Variants in RUSC2 observed in about 807,000 individuals in gnomAD.
RUSC2 encodes the protein AP-4 complex accessory subunit RUSC2.
RUSC2 carries 34 observed loss-of-function variants against 122.2 expected under a neutral mutation model. The ratio of observed to expected loss-of-function variants is 0.28; its 90% CI spans 0.21 to 0.37. RUSC2 has a LOEUF of 0.37. Ranked by LOEUF, RUSC2 falls within the 10% of genes least tolerant of loss-of-function variation. RUSC2 has a pLI of 1.00. For synonymous variants in RUSC2, 784 were observed against 790.0 expected, an observed-to-expected ratio of 0.99 and a Z score of 0.13; for missense variants, 1,747 against 1,952.4, an observed-to-expected ratio of 0.89 and a Z score of 1.98.
Position 35,556,458 on chromosome 9 carries a change from ACC to A in RUSC2, c.2983+14_2983+15del. 1 of 1,612,918 alleles carries A rather than the reference ACC, an allele frequency of 6.2e-7. No homozygotes were observed. The highest frequency in any genetic ancestry group is 8.5e-7 in the Non-Finnish European group (1 of 1,179,470). On this transcript the variant is annotated intron_variant, in intron 5 of 11. Coordinates refer to ENST00000361226, the MANE Select transcript of RUSC2 (RefSeq NM_014806.5). ...CTGCTTCAGAAAAAAGGTGCATACA[ACC>A]CCCAGCTCAGGCCAGGGACTCTGCT... is the stretch of plus-strand genomic sequence containing the variant.
chr9:35,551,362 G>C (rs1391003426), intron 2 of RUSC2, among the ~76,000 whole-genome samples: 4 of 152,116 alleles, frequency 2.6e-5, no homozygotes. Flanking sequence ...GTGCTGTCAG[G>C]GAGATCACAG....
chr9:35,492,268 G>A (rs1820582735), intron 1 of RUSC2, among the ~76,000 whole-genome samples: 1 of 152,052 alleles, frequency 6.6e-6, no homozygotes, highest in Admixed American at 6.5e-5. Flanking sequence ...GTTCATGGGA[G>A]GGCTTATGTG....
chr9:35,530,006 C>T (rs747712464), intron 1 of RUSC2, among the ~76,000 whole-genome samples: 7 of 152,120 alleles, frequency 4.6e-5, no homozygotes, highest in Non-Finnish European at 1.0e-4. Context: ...GGCTTGAGGG[C>T]AGTGGCACAA....
rs1007256649 is a variant in RUSC2, at chr9:35,546,863, T to C, written c.342T>C (p.Leu114=). The C allele has an allele frequency of 1.2e-6, 2 of 1,605,976 alleles. No individual in the cohort carries two copies. The highest frequency in any genetic ancestry group is 1.7e-6 in the Non-Finnish European group (2 of 1,176,224). Residue 114 remains leucine (L), a synonymous_variant, in exon 2 of 12, where the codon CTT becomes CTC. Coordinates refer to ENST00000361226, the MANE Select transcript of RUSC2 (RefSeq NM_014806.5). The surrounding 1 kb of genome is among the most constrained non-coding windows in gnomAD (Gnocchi z 4.3). ...LLQEGVGEPG[L]GDLYDDSIGD... ...AGGAGGGTGTGGGTGAGCCAGGACT[T>C]GGTGACCTGTATGATGACAGCATTG...
At chr9:35,491,032 G>C (rs1587828693) in intron 1 of RUSC2, among the ~76,000 whole-genome samples, 1 of 151,616 alleles carries the variant, frequency 6.6e-6, no homozygotes, top group Admixed American at 6.6e-5. Flanking sequence ...GCAGGAACAA[G>C]TAGATCTGAG....
intron 2 of RUSC2, among the ~76,000 whole-genome samples, chr9:35,551,606 G>C (rs1171187736): frequency 1.3e-5 from 2 of 152,204 alleles, no homozygotes; most frequent in East Asian, 3.8e-4. Context: ...TTCTCTATCA[G>C]ATTAAGACAT....
At chr9:35,518,661 C>G (rs1264019234) in intron 1 of RUSC2, among the ~76,000 whole-genome samples, 2 of 152,128 alleles carry the variant, frequency 1.3e-5, no homozygotes, top group African/African-American at 4.8e-5. Flanking sequence ...GATTTCTATC[C>G]TAGTGTGTCA....
Position 35,547,950 on chromosome 9 carries a change from G to C in RUSC2, c.1429G>C (p.Glu477Gln), listed in dbSNP as rs780734188. The C allele has an allele frequency of 6.2e-7, 1 of 1,614,244 alleles. No individual in the cohort carries two copies. Among genetic ancestry groups the C allele is most frequent in the Admixed American group, 1.7e-5 (1 of 60,032 alleles). The change falls in exon 2 of 12, where the codon GAG (glutamate) becomes CAG (glutamine). Residue 477 changes from glutamate (E) to glutamine (Q), a missense_variant. By Grantham distance (29) the Glu-to-Gln change is conservative (BLOSUM62 2). Coordinates refer to ENST00000361226, the MANE Select transcript of RUSC2 (RefSeq NM_014806.5). This position sits in a 1 kb window ranked among gnomAD's most constrained non-coding sequence, Gnocchi z 4.6. Reference sequence around the variant, plus strand: ...AGCTGCTGTGGGCCCCACTGTGCTTGAGGGACAAGTATACACGAATACTTC... The same window carrying C: ...AGCTGCTGTGGGCCCCACTGTGCTTCAGGGACAAGTATACACGAATACTTC... ...AAAAVGPTVL[E>Q]GQVYTNTSPP...
intron 1 of RUSC2, among the ~76,000 whole-genome samples, chr9:35,506,756 CTG>C (rs1820924266): frequency 6.6e-6 from 1 of 152,068 alleles, no homozygotes; most frequent in African/African-American, 2.4e-5. Flanking sequence ...ACAAAAAAAT[CTG>C]TGATCCAAGC....
Position 35,555,762 on chromosome 9 carries a change from C to T in RUSC2, c.2656+61C>T, listed in dbSNP as rs1235826224. The T allele has an allele frequency of 2.0e-6, 3 of 1,527,422 alleles. No individual in the cohort carries two copies. In the East Asian group the frequency reaches 6.8e-5, roughly 35 times the overall value. The allele number at this position is 1,527,422 out of a possible 1,614,324, so 94.6% of individuals were successfully genotyped here. On this transcript the variant is annotated intron_variant, in intron 3 of 11. Transcript: ENST00000361226. The surrounding 1 kb of genome is among the most constrained non-coding windows in gnomAD (Gnocchi z 4.6). ...CCTCACGCAAGCACTTCCACCACCT[C>T]CCCTTTGAGTGGTTGCTTACACTCT...
At chr9:35,508,340 A>C (rs910661275) in intron 1 of RUSC2, among the ~76,000 whole-genome samples, 4 of 152,148 alleles carry the variant, frequency 2.6e-5, no homozygotes, top group Admixed American at 2.6e-4. Context: ...GAAGCGTAAC[A>C]GTTTGTTTAG....
intron 1 of RUSC2, among the ~76,000 whole-genome samples, chr9:35,533,772 C>T (rs1416219711): frequency 6.6e-6 from 1 of 152,228 alleles, no homozygotes; most frequent in Non-Finnish European, 1.5e-5. Flanking sequence ...CAAGGTTCAT[C>T]CATGTTGGAG....
intron 2 of RUSC2, among the ~76,000 whole-genome samples, chr9:35,552,376 A>G (rs1821917965): frequency 6.6e-6 from 1 of 152,198 alleles, no homozygotes; most frequent in Non-Finnish European, 1.5e-5. Flanking sequence ...AAAGTAAATT[A>G]AAAAATAAAA....
rs374923274 is a variant in RUSC2 at position 35,560,052 on chromosome 9, C to A, written c.3412C>A (p.Pro1138Thr). Reference sequence around the variant, plus strand: ...AGACATCATCCAGACCCACTACCAGCCCTGGGGCTTCCTGAGTGCAGCTCA... The same window carrying A: ...AGACATCATCCAGACCCACTACCAGACCTGGGGCTTCCTGAGTGCAGCTCA... Reference protein sequence around the residue: ...HEDIIQTHYQPWGFLSAAHTV... With the variant: ...HEDIIQTHYQTWGFLSAAHTV... The change falls in exon 10 of 12, where the codon CCC becomes ACC. Residue 1138 changes from proline to threonine, a missense_variant. By Grantham distance (38) the Pro-to-Thr change is conservative. Transcript: ENST00000361226. 10 of 1,605,730 alleles carry A rather than the reference C, an allele frequency of 6.2e-6. No individual in the cohort carries two copies. Among genetic ancestry groups the A allele is most frequent in the Non-Finnish European group, 7.7e-6 (9 of 1,173,384 alleles).
rs1300261151 is a variant in RUSC2, at chr9:35,559,138, A to G, written c.3342-88A>G. 12 of 1,065,940 alleles carry G rather than the reference A, an allele frequency of 1.1e-5. No individual in the cohort carries two copies. In the East Asian group the frequency reaches 1.9e-4, roughly 17 times the overall value. 66.0% of individuals were successfully genotyped at this position (1,065,940 alleles called of 1,614,324 possible). A position where few individuals can be genotyped will look rare whatever the true frequency, so the allele number is the denominator to read the frequency against. ...GTGCCATGGAAGGGCGTGTTCACCT[A>G]TTCTTCCTGTGCCTGACCCCCTGGA... On this transcript the variant is annotated intron_variant, in intron 8 of 11. Transcript: ENST00000361226.
intron 2 of RUSC2, among the ~76,000 whole-genome samples, chr9:35,550,415 C>G (rs991039186): frequency 6.6e-6 from 1 of 151,774 alleles, no homozygotes; most frequent in Non-Finnish European, 1.5e-5. Context: ...CACCTGAGTT[C>G]GGGAGTTCAA....
At chr9:35,552,497 T>A (rs1289433401) in intron 2 of RUSC2, among the ~76,000 whole-genome samples, 1 of 152,234 alleles carries the variant, frequency 6.6e-6, no homozygotes. Context: ...GAGACCAATG[T>A]GAAGTTTGAT....
intron 1 of RUSC2, among the ~76,000 whole-genome samples, chr9:35,502,903 C>T (rs1820843018): frequency 6.6e-6 from 1 of 151,908 alleles, no homozygotes. Flanking sequence ...TCTTGCTGCC[C>T]AGTCTGAAGT....
chr9:35,558,401 A>AG lies in RUSC2; in HGVS notation c.3235+33dup. ...GTGCTGGGTGCCAAGACGGGGACCC[A>AG]GGGCTGAATTTAGGGCTCCAGAAAT... is the stretch of plus-strand genomic sequence containing the variant. On this transcript the variant is annotated intron_variant, in intron 7 of 11. Transcript: ENST00000361226. The surrounding 1 kb of genome is among the most constrained non-coding windows in gnomAD (Gnocchi z 4.3). The AG allele has an allele frequency of 6.2e-7, 1 of 1,613,956 alleles. No individual in the cohort carries two copies. The highest frequency in any genetic ancestry group is 1.1e-5 in the South Asian group (1 of 91,076).
Sources: allele counts gnomAD v4.1 joint callset (sites outside exome capture counted in the v4.1 genomes callset), GRCh38; gene constraint gnomAD v4.1.1; non-coding constraint Gnocchi (gnomAD v3.1); transcripts MANE v1.5; gene names NCBI Gene and HGNC (gene_info 2026-07-23, HGNC 2026-07-21).